The following AKAP7 variants were observed in gnomAD, a reference collection of about 807,000 sequenced individuals.
The protein encoded by AKAP7 is A-kinase anchoring protein 7.
Under a neutral mutation model 39.5 loss-of-function variants are expected in AKAP7, and 39 were observed. The observed-to-expected ratio is 0.99, with a 90% CI of 0.76 to 1.29. The LOEUF is 1.29. Among genes scored for constraint, AKAP7 ranks in the 50% most tolerant of loss-of-function variants. AKAP7 has a pLI of 0.00. For synonymous variants in AKAP7, 140 were observed against 139.1 expected (o/e 1.01, Z -0.05); for missense variants, 414 against 407.7 (o/e 1.02, Z -0.13).
At position 131,282,701 on chromosome 6, in the gene AKAP7, G is replaced by A; in HGVS notation, c.*975G>A. ...ACCAAAGAAGTTTCTGATAGTGTCT[G>A]CACAACAGCAAACCAACATTTGGTG... On this transcript the variant is annotated 3_prime_UTR_variant, in exon 8 of 8. Coordinates refer to ENST00000431975, the MANE Select transcript of AKAP7 (RefSeq NM_016377.4). 1.0e-6 allele frequency: 1 copy of A among 976,918 alleles called. No homozygotes were observed. Among genetic ancestry groups the A allele is most frequent in the Non-Finnish European group, 1.4e-6 (1 of 703,268 alleles). The allele number at this position is 976,918 out of a possible 1,614,324, so 60.5% of individuals were successfully genotyped here.
At chr6:131,232,924 A>G (rs1810747755) in intron 7 of AKAP7, among the ~76,000 whole-genome samples, 1 of 149,866 alleles carries the variant, frequency 6.7e-6, no homozygotes, top group Non-Finnish European at 1.5e-5. Context: ...ATTTATAATA[A>G]TAATATTTAT....
intron 1 of AKAP7, among the ~76,000 whole-genome samples, chr6:131,142,448 A>G (rs531355199): frequency 6.6e-6 from 1 of 152,352 alleles, no homozygotes; most frequent in African/African-American, 2.4e-5. Context: ...AGCACAAGCC[A>G]CTGTAAGCCT....
At chr6:131,151,301 C>T (rs1285478416) in intron 2 of AKAP7, among the ~76,000 whole-genome samples, 1 of 151,592 alleles carries the variant, frequency 6.6e-6, no homozygotes, top group Non-Finnish European at 1.5e-5. Flanking sequence ...CCTCAGCCTC[C>T]CAAAGTGCTG....
In AKAP7 at chr6:131,281,578, G is replaced by A; in HGVS notation, c.899G>A (p.Ser300Asn). Residue 300 changes from serine (S) to asparagine (N), a missense_variant, in exon 8 of 8, where the codon AGT becomes AAT. Coordinates refer to ENST00000431975, the MANE Select transcript of AKAP7 (RefSeq NM_016377.4). The surrounding 1 kb of genome is among the most constrained non-coding windows in gnomAD (Gnocchi z 4.0). Reference protein sequence around the residue: ...EPDDAELVRLSKRLVENAVLK... With the variant: ...EPDDAELVRLNKRLVENAVLK... ...GATGACGCTGAACTAGTAAGGCTCA[G>A]TAAGAGGCTGGTGGAGAACGCGGTG... The A allele has an allele frequency of 6.2e-7, 1 of 1,613,534 alleles. No homozygotes were observed. Among genetic ancestry groups the A allele is most frequent in the Non-Finnish European group, 8.5e-7 (1 of 1,179,674 alleles).
intron 7 of AKAP7, among the ~76,000 whole-genome samples, chr6:131,224,597 T>G (rs1055712987): frequency 6.6e-6 from 1 of 152,068 alleles, no homozygotes; most frequent in African/African-American, 2.4e-5. Flanking sequence ...TTGTTAATGG[T>G]ACATTCTTGG....
At chr6:131,180,020 C>T (rs908935029) in intron 5 of AKAP7, among the ~76,000 whole-genome samples, 18 of 152,304 alleles carry the variant, frequency 1.2e-4, no homozygotes, top group East Asian at 1.9e-4. Context: ...AGCCTTGGCT[C>T]GGCAGGTCCA....
chr6:131,149,494 G>T (rs970144756), intron 2 of AKAP7, among the ~76,000 whole-genome samples: 1 of 152,176 alleles, frequency 6.6e-6, no homozygotes, highest in Non-Finnish European at 1.5e-5. Context: ...AATTAGCGGG[G>T]CATGGTGGCA....
intron 4 of AKAP7, 108 bp downstream of exon 4, chr6:131,165,325 A>G (rs1803375627): frequency 5.4e-6 from 4 of 740,900 alleles, no homozygotes; most frequent in Admixed American, 6.2e-5. Flanking sequence ...AGTAGTCTCT[A>G]TACAATTTAT....
At chr6:131,178,740 C>T (rs910255270) in intron 5 of AKAP7, among the ~76,000 whole-genome samples, 1 of 152,196 alleles carries the variant, frequency 6.6e-6, no homozygotes, top group African/African-American at 2.4e-5. Context: ...CTATCTCCTT[C>T]TGTTTGACCT....
At chr6:131,252,590 T>C (rs1259273280) in intron 7 of AKAP7, among the ~76,000 whole-genome samples, 2 of 152,250 alleles carry the variant, frequency 1.3e-5, no homozygotes, top group Non-Finnish European at 2.9e-5. Context: ...ACTGTCCTTC[T>C]GGTAATAAGT....
intron 2 of AKAP7, among the ~76,000 whole-genome samples, chr6:131,153,229 GT>G (rs1166230048): frequency 2.6e-5 from 4 of 152,044 alleles, no homozygotes; most frequent in Admixed American, 6.6e-5. Context: ...TATTACAAGG[GT>G]TGGTAAAACT....
chr6:131,269,927 C>G (rs2128333897), intron 7 of AKAP7, among the ~76,000 whole-genome samples: 1 of 152,232 alleles, frequency 6.6e-6, no homozygotes, highest in Non-Finnish European at 1.5e-5. Context: ...TGAGATGTGT[C>G]TAAAACAGAG....
intron 2 of AKAP7, among the ~76,000 whole-genome samples, chr6:131,154,895 G>T (rs922436800): frequency 2.0e-5 from 3 of 152,056 alleles, no homozygotes; most frequent in African/African-American, 7.2e-5. Flanking sequence ...AAGAAATCAG[G>T]TTGTGTAGAA....
In AKAP7 at chr6:131,160,191, A is replaced by G. The variant is rs1383283619; in HGVS notation, c.284A>G (p.Asn95Ser). Residue 95 changes from asparagine (N) to serine (S), a missense_variant, in exon 3 of 8, where the codon AAC (asparagine) becomes AGC (serine). Physicochemically the swap from Asn to Ser is conservative, Grantham distance 46. Transcript: ENST00000431975. ...TATTTCCTGTCCATTCCAATCACCA[A>G]CAAAGAGGTGCTATTTTTAAAAAGT... ...PNYFLSIPITNKEIIKGIKIL... is the reference protein window; with the variant it reads ...PNYFLSIPITSKEIIKGIKIL... 4 of 1,597,162 alleles carry G rather than the reference A, an allele frequency of 2.5e-6. No homozygotes were observed. The highest frequency in any genetic ancestry group is 2.2e-5 in the East Asian group (1 of 44,766).
chr6:131,143,106 G>GCC (rs1442710298), intron 1 of AKAP7, among the ~76,000 whole-genome samples: 7 of 152,144 alleles, frequency 4.6e-5, no homozygotes, highest in Non-Finnish European at 1.0e-4. Flanking sequence ...AACTTACCTT[G>GCC]AGTCTCAAAT....
chr6:131,159,667 T>C (rs1245488178), intron 2 of AKAP7, among the ~76,000 whole-genome samples: 1 of 152,210 alleles, frequency 6.6e-6, no homozygotes, highest in African/African-American at 2.4e-5. Context: ...CAAACATACC[T>C]ATACAGGATG....
At chr6:131,194,784 C>G (rs1279264269) in intron 5 of AKAP7, among the ~76,000 whole-genome samples, 1 of 152,138 alleles carries the variant, frequency 6.6e-6, no homozygotes, top group Non-Finnish European at 1.5e-5. Flanking sequence ...AATCATTATA[C>G]AATGACCTTC....
At position 131,160,069 on chromosome 6, in the gene AKAP7, A is replaced by T. The variant is rs1802807748; in HGVS notation, c.162A>T (p.Glu54Asp). 8 of 1,590,644 alleles carry T rather than the reference A, an allele frequency of 5.0e-6. No individual in the cohort carries two copies. The highest frequency in any genetic ancestry group is 1.4e-5 in the African/African-American group (1 of 73,140). ...DIQDDCGITD[E>D]PQINLKRSQE... ...ACTTTTTTCCTCTAGTCACTGATGA[A>T]CCTCAAATAAATTTGAAGAGAAGTC... The change falls in exon 3 of 8, where the codon GAA (glutamate) becomes GAT (aspartate). Residue 54 changes from glutamate to aspartate, a missense_variant. Coordinates refer to ENST00000431975, the MANE Select transcript of AKAP7 (RefSeq NM_016377.4).
intron 7 of AKAP7, among the ~76,000 whole-genome samples, chr6:131,246,596 C>T (rs936400704): frequency 1.3e-5 from 2 of 152,048 alleles, no homozygotes; most frequent in Admixed American, 6.6e-5. Context: ...TGAATGTGTT[C>T]AGGGGCCATT....
Sources: allele counts gnomAD v4.1 joint callset (sites outside exome capture counted in the v4.1 genomes callset), GRCh38; gene constraint gnomAD v4.1.1; non-coding constraint Gnocchi (gnomAD v3.1); transcripts MANE v1.5; gene names NCBI Gene and HGNC (gene_info 2026-07-23, HGNC 2026-07-21).